Variants in CLNK observed in about 807,000 individuals in gnomAD.
CLNK encodes cytokine-dependent hematopoietic cell linker.
A neutral mutation model predicts 68.6 loss-of-function variants in CLNK; 74 were observed. The ratio of observed to expected loss-of-function variants is 1.08; its 90% CI spans 0.89 to 1.31. The LOEUF is 1.31. CLNK is among the 50% of genes most tolerant of loss of function. The pLI is 0.00. For synonymous variants in CLNK, 198 were observed against 172.2 expected (o/e 1.15, Z -1.17); for missense variants, 553 against 515.3 (o/e 1.07, Z -0.71).
chr4:10,545,416 G>A (rs536590795), intron 8 of CLNK, among the ~76,000 whole-genome samples: 24 of 152,186 alleles, frequency 1.6e-4, no homozygotes, highest in Non-Finnish European at 3.1e-4. Context: ...TTGATTCCAC[G>A]TCTGGCATTC....
intron 3 of CLNK, 37 bp from the exon 4 acceptor site, chr4:10,584,992 G>T (rs1396945210): frequency 3.7e-6 from 6 of 1,610,914 alleles, no homozygotes; most frequent in Admixed American, 3.3e-5. Context: ...AATGTCCATT[G>T]CTCCACCTCC....
chr4:10,698,146 G>T, the CLNK span, among the ~76,000 whole-genome samples: 1 of 152,096 alleles, frequency 6.6e-6, no homozygotes, highest in African/African-American at 2.4e-5. Flanking sequence ...TAAATTCCTT[G>T]TCTATATAGT....
intron 7 of CLNK, among the ~76,000 whole-genome samples, chr4:10,562,101 C>CCT (rs749613184): frequency 7.7e-6 from 1 of 129,290 alleles, no homozygotes; most frequent in African/African-American, 2.9e-5. Context: ...TTTTTCTTTT[C>CCT]TTTTTTTTTT....
intron 3 of CLNK, 97 bp downstream of exon 3, chr4:10,597,881 C>A: frequency 1.2e-6 from 1 of 817,110 alleles, no homozygotes; most frequent in South Asian, 1.6e-5. Context: ...CAGGTCATTC[C>A]ATCACATTGA....
At chr4:10,660,769 T>C (rs1212432333) in intron 2 of CLNK, among the ~76,000 whole-genome samples, 3 of 152,308 alleles carry the variant, frequency 2.0e-5, no homozygotes, top group East Asian at 1.9e-4. Flanking sequence ...TCACCGACCA[T>C]CTTTATTGAG....
At chr4:10,566,882 T>C (rs1003057300) in intron 5 of CLNK, among the ~76,000 whole-genome samples, 1 of 151,994 alleles carries the variant, frequency 6.6e-6, no homozygotes, top group Non-Finnish European at 1.5e-5. Context: ...ATAAAATATA[T>C]GGAAATACAT....
intron 7 of CLNK, among the ~76,000 whole-genome samples, chr4:10,559,349 T>A (rs894956879): frequency 2.0e-5 from 3 of 152,210 alleles, no homozygotes; most frequent in Non-Finnish European, 2.9e-5. Flanking sequence ...GCCCTTCTTC[T>A]TTTGGTTATA....
At chr4:10,557,266 T>G (rs1719711993) in intron 8 of CLNK, among the ~76,000 whole-genome samples, 1 of 152,002 alleles carries the variant, frequency 6.6e-6, no homozygotes. Context: ...TCCCTCCACC[T>G]TCACCCTTCT....
intron 14 of CLNK, among the ~76,000 whole-genome samples, 190 bp from the exon 15 acceptor site, chr4:10,521,021 G>A (rs1220744542): frequency 2.6e-5 from 4 of 152,172 alleles, no homozygotes; most frequent in Admixed American, 2.0e-4. Context: ...CCTTTCTCAA[G>A]CTGGCTATAT....
chr4:10,588,411 G>T (rs1010609762), intron 3 of CLNK, among the ~76,000 whole-genome samples: 3 of 152,178 alleles, frequency 2.0e-5, no homozygotes, highest in African/African-American at 7.2e-5. Flanking sequence ...TTAAATGGGA[G>T]AACTGGGGCC....
At chr4:10,723,314 T>C in the CLNK span, among the ~76,000 whole-genome samples, 1 of 152,242 alleles carries the variant, frequency 6.6e-6, no homozygotes, top group East Asian at 1.9e-4. Context: ...GTAACACTTA[T>C]GTATACATTT....
At chr4:10,584,471 A>G (rs532417831) in intron 4 of CLNK, among the ~76,000 whole-genome samples, 1 of 152,328 alleles carries the variant, frequency 6.6e-6, no homozygotes, top group South Asian at 2.1e-4. Flanking sequence ...TTAAGTGCGT[A>G]GTACCAGAAA....
the CLNK span, among the ~76,000 whole-genome samples, chr4:10,729,942 TG>T: frequency 5.9e-5 from 9 of 152,372 alleles, no homozygotes; most frequent in Admixed American, 3.9e-4. Context: ...ATACTTTTAC[TG>T]CCATTTGTTT....
At chr4:10,520,912 G>T in intron 14 of CLNK, 81 bp from the exon 15 acceptor site, 1 of 953,362 alleles carries the variant, frequency 1.0e-6, no homozygotes, top group Non-Finnish European at 1.7e-6. Context: ...CAAGGTCAAT[G>T]ATAATAGCCT....
intron 4 of CLNK, among the ~76,000 whole-genome samples, chr4:10,573,544 C>T (rs925188842): frequency 4.6e-5 from 7 of 152,120 alleles, no homozygotes; most frequent in Admixed American, 2.0e-4. Flanking sequence ...TCTCATGAAT[C>T]GAGTTAAATT....
chr4:10,587,441 C>A (rs920780053), intron 3 of CLNK, among the ~76,000 whole-genome samples: 21 of 152,198 alleles, frequency 1.4e-4, no homozygotes, highest in African/African-American at 5.1e-4. Context: ...AATCCCAGGC[C>A]TCTGCATTAC....
intron 8 of CLNK, among the ~76,000 whole-genome samples, chr4:10,556,198 G>A (rs1719667182): frequency 1.3e-5 from 2 of 152,194 alleles, no homozygotes; most frequent in South Asian, 4.1e-4. Flanking sequence ...TTTTCTTGCT[G>A]TCTCTGAGGA....
At chr4:10,570,145 G>T (rs1720286236) in intron 5 of CLNK, among the ~76,000 whole-genome samples, 1 of 152,210 alleles carries the variant, frequency 6.6e-6, no homozygotes, top group African/African-American at 2.4e-5. Context: ...GTGCAAAGGT[G>T]CCATTTACAT....
chr4:10,710,916 A>G, the CLNK span, among the ~76,000 whole-genome samples: 1 of 152,234 alleles, frequency 6.6e-6, no homozygotes, highest in Non-Finnish European at 1.5e-5. Flanking sequence ...TCGGATAGGT[A>G]GAAGAGCCTA....
Sources: allele counts gnomAD v4.1 joint callset (sites outside exome capture counted in the v4.1 genomes callset), GRCh38; gene constraint gnomAD v4.1.1; transcripts MANE v1.5; gene names NCBI Gene and HGNC (gene_info 2026-07-23, HGNC 2026-07-21).